Variants in MALAT1 observed in about 807,000 individuals in gnomAD.
MALAT1 encodes hepcarcin.
At chr11:65,504,894 T>A (rs1250194777) in intron 3 of MALAT1, 4 of 518,782 alleles carry the variant, frequency 7.7e-6, no homozygotes, top group Non-Finnish European at 1.5e-5. Context: ...CTATTTACTT[T>A]AAATAAACCA....
At chr11:65,503,752 T>C (rs1304088893) in exon 3 of MALAT1, 2 of 516,436 alleles carry the variant, frequency 3.9e-6, no homozygotes, top group Non-Finnish European at 7.7e-6. Flanking sequence ...GAACACTCTT[T>C]AATGGACCAG....
intron 3 of MALAT1, chr11:65,504,357 AGG>A: frequency 1.9e-6 from 1 of 516,544 alleles, no homozygotes; most frequent in Non-Finnish European, 3.9e-6. Context: ...TCTTGACTTC[AGG>A]TCTGTCTGTT....
chr11:65,501,845 A>T (rs1422174494), exon 3 of MALAT1: 2 of 517,398 alleles, frequency 3.9e-6, no homozygotes, highest in Admixed American at 3.9e-5. Flanking sequence ...ATTAAAGGGG[A>T]GGGGCAAATA....
exon 3 of MALAT1, chr11:65,499,590 C>G (rs1038659828): frequency 4.4e-6 from 2 of 452,344 alleles, no homozygotes; most frequent in African/African-American, 4.0e-5. Context: ...TTACTAAACG[C>G]AGACGAAAAT....
chr11:65,498,512 C>CA (rs550822621), intron 1 of MALAT1: 96 of 515,736 alleles, frequency 1.9e-4, no homozygotes, highest in Non-Finnish European at 3.4e-4. Flanking sequence ...ATTTCTCGAA[C>CA]AAAAAAGCAA....
rs535750445 is a variant in MALAT1, at chr11:65,502,071, T to TA, written n.3335dup. The TA allele has an allele frequency of 9.9e-5, 51 of 517,684 alleles. No individual in the cohort carries two copies. The East Asian group carries it at 1.6e-3, about 17-fold the overall frequency. The allele number at this position is 517,684 out of a possible 1,614,324, so 32.1% of individuals were successfully genotyped here. ...AATTGGGAAGCTGGGGGAAGTTAAATATGAGCCACTGGGTGTACCAGTGCA... is the reference window on the plus strand; with the variant it reads ...AATTGGGAAGCTGGGGGAAGTTAAATAATGAGCCACTGGGTGTACCAGTGCA... On this transcript the variant is annotated non_coding_transcript_exon_variant, in exon 3 of 4. Transcript: ENST00000619449.
In MALAT1 at chr11:65,501,745, A is replaced by G. The variant is rs771237241; in HGVS notation, n.3008A>G. ...ACAGCACAGTGCAGCTTTGGTTCAT[A>G]TTCAGTCATCTCAGGAGAACTTCAG... On this transcript the variant is annotated non_coding_transcript_exon_variant, in exon 3 of 4. Coordinates refer to ENST00000619449, the Ensembl canonical transcript of MALAT1. 30 of 518,870 alleles carry G rather than the reference A, an allele frequency of 5.8e-5. No homozygotes were observed. In the East Asian group the frequency reaches 1.5e-3, roughly 25 times the overall value. The allele number at this position is 518,870 out of a possible 1,614,324, so 32.1% of individuals were successfully genotyped here.
chr11:65,503,189 C>G (rs1565054492), exon 3 of MALAT1: 1 of 512,474 alleles, frequency 2.0e-6, no homozygotes, highest in East Asian at 5.5e-5. Flanking sequence ...CAGCTGTTAA[C>G]AGATAAGTTT....
At chr11:65,505,971 C>T (rs764080989) in intron 3 of MALAT1, 2 of 449,160 alleles carry the variant, frequency 4.5e-6, no homozygotes, top group East Asian at 5.7e-5. Flanking sequence ...ACAGACTTGG[C>T]CAAGCTAGCA....
intron 1 of MALAT1, chr11:65,498,335 G>A: frequency 1.9e-6 from 1 of 517,916 alleles, no homozygotes; most frequent in Non-Finnish European, 3.9e-6. Flanking sequence ...GCGGGCCGTG[G>A]GGGGCTGGCG....
At chr11:65,498,808 G>C (rs757754929) in intron 2 of MALAT1, 1 of 518,848 alleles carries the variant, frequency 1.9e-6, no homozygotes, top group Middle Eastern at 3.2e-4. Flanking sequence ...TGTTTCTTTT[G>C]TCTAAAGTTT....
At chr11:65,504,108 G>C in intron 3 of MALAT1, 1 of 516,840 alleles carries the variant, frequency 1.9e-6, no homozygotes, top group Non-Finnish European at 3.9e-6. Context: ...GTGCCTGTGG[G>C]GTTTTAAAGA....
chr11:65,504,670 A>G (rs188349739), intron 3 of MALAT1: 234 of 518,946 alleles, frequency 4.5e-4, no homozygotes, highest in African/African-American at 4.0e-3. Flanking sequence ...GCAACCTTAA[A>G]ATCAGTGACA....
exon 3 of MALAT1, chr11:65,501,020 T>A (rs772815681): frequency 1.4e-5 from 7 of 506,010 alleles, no homozygotes; most frequent in Non-Finnish European, 2.7e-5. Context: ...TTTTTTTTTT[T>A]ACACGAATTT....
chr11:65,500,912 GTTTCTCTTT>G (rs1185310931), exon 3 of MALAT1: 3 of 513,636 alleles, frequency 5.8e-6, no homozygotes, highest in African/African-American at 2.0e-5. Context: ...GGTGTTGTAG[GTTTCTCTTT>G]TTCAGGCTTA....
intron 2 of MALAT1, chr11:65,498,847 A>T: frequency 1.9e-6 from 1 of 518,572 alleles, no homozygotes; most frequent in Non-Finnish European, 3.8e-6. Flanking sequence ...CACGCTAGTA[A>T]TTTAAGTATT....
chr11:65,502,931 A>G (rs767294682), exon 3 of MALAT1: 4 of 494,498 alleles, frequency 8.1e-6, no homozygotes, highest in Admixed American at 6.4e-5. Flanking sequence ...TTGATGAGAA[A>G]TACAATGAAG....
intron 1 of MALAT1, chr11:65,498,430 G>C: frequency 1.9e-6 from 1 of 518,624 alleles, no homozygotes; most frequent in Non-Finnish European, 3.8e-6. Flanking sequence ...TGTGGTGTGG[G>C]ATTGAGGCGT....
exon 3 of MALAT1, chr11:65,499,621 G>T: frequency 4.5e-6 from 2 of 447,326 alleles, no homozygotes; most frequent in Non-Finnish European, 8.9e-6. Flanking sequence ...ATTGGGAGTG[G>T]TAGGATGAAA....
Sources: allele counts gnomAD v4.1 joint callset, GRCh38; gene constraint gnomAD v4.1.1; transcripts MANE v1.5; gene names NCBI Gene and HGNC (gene_info 2026-07-23, HGNC 2026-07-21).